TULP4: variants seen among roughly 807,000 people sequenced by gnomAD.
TULP4 encodes tubby-related protein 4.
TULP4 carries 16 observed loss-of-function variants against 129.0 expected under a neutral mutation model. The ratio of observed to expected loss-of-function variants is 0.12; its 90% CI spans 0.08 to 0.19. TULP4 has a LOEUF of 0.19. Among genes scored for constraint, TULP4 ranks in the 10% least tolerant of loss-of-function variants. The pLI is 1.00. For synonymous variants in TULP4, 998 were observed against 854.0 expected, an observed-to-expected ratio of 1.17 and a Z score of -2.94; for missense variants, 1,842 against 2,059.1, an observed-to-expected ratio of 0.89 and a Z score of 2.04.
chr6:158,259,767 C>T (rs9459829), intron 1 of TULP4, among the ~76,000 whole-genome samples: 26,232 of 152,130 alleles, frequency 0.17, 2,692 homozygotes, highest in Middle Eastern at 0.24. Context: ...TTGGGGATTC[C>T]ACCACCTTGT....
At chr6:158,454,348 G>A (rs1779244279) in intron 5 of TULP4, among the ~76,000 whole-genome samples, 1 of 152,096 alleles carries the variant, frequency 6.6e-6, no homozygotes, top group Non-Finnish European at 1.5e-5. Flanking sequence ...TATAATCCAT[G>A]CTTAACTTTT....
At chr6:158,482,168 C>T (rs556671522) in intron 8 of TULP4, among the ~76,000 whole-genome samples, 7 of 152,186 alleles carry the variant, frequency 4.6e-5, no homozygotes, top group Non-Finnish European at 1.0e-4. Flanking sequence ...CTCGCCACTT[C>T]CTCGCTCCAG....
chr6:158,367,769 G>A (rs1015026196), intron 1 of TULP4, among the ~76,000 whole-genome samples: 3 of 151,918 alleles, frequency 2.0e-5, no homozygotes, highest in East Asian at 1.9e-4. Flanking sequence ...AGGCCGGTGC[G>A]GTGGCTCACA....
At chr6:158,274,634 G>A (rs556059940) in intron 1 of TULP4, among the ~76,000 whole-genome samples, 2 of 152,222 alleles carry the variant, frequency 1.3e-5, no homozygotes, top group African/African-American at 2.4e-5. Flanking sequence ...AAAATCAGCC[G>A]GGTGTGGTGG....
At position 158,429,822 on chromosome 6, in the gene TULP4, A is replaced by G. The variant is rs1208818072; in HGVS notation, c.468A>G (p.Gly156=). ...TTGTCCTGGTTGGGTCTGTCAGTGG[A>G]CAAAGACACTGGTCATCCGAAATCA... ...DGFVLVGSVS[G]QRHWSSEINL... Residue 156 remains glycine (G), a synonymous_variant, in exon 3 of 14, where the codon GGA becomes GGG. Transcript: ENST00000367097. 2 of 1,614,056 alleles carry G rather than the reference A, an allele frequency of 1.2e-6. No homozygotes were observed. Among genetic ancestry groups the G allele is most frequent in the Non-Finnish European group, 1.7e-6 (2 of 1,180,040 alleles).
rs199820718 is a variant in TULP4 at position 158,479,930 on chromosome 6, C to A, written c.1206C>A (p.Pro402=). 5 of 1,611,018 alleles carry A rather than the reference C, an allele frequency of 3.1e-6. No individual in the cohort carries two copies. Among genetic ancestry groups the A allele is most frequent in the Non-Finnish European group, 4.2e-6 (5 of 1,179,970 alleles). The change falls in exon 7 of 14, where the codon CCC becomes CCA. Residue 402 remains proline, a synonymous_variant. Transcript: ENST00000367097. ...DKDVSKLTLP[P]RLCSYLSTAF... ...ACGTCAGCAAGCTGACTCTGCCCCC[C>A]CGCCTCTGCTCCTACCTCTCCACTG...
chr6:158,436,632 C>T (rs1315979022), intron 3 of TULP4, among the ~76,000 whole-genome samples: 3 of 152,086 alleles, frequency 2.0e-5, no homozygotes, highest in Admixed American at 6.5e-5. Context: ...TTTAGTTTTC[C>T]GGGAGTAGAG....
At chr6:158,285,290 G>GCTGGA (rs1409831524) in intron 1 of TULP4, among the ~76,000 whole-genome samples, 54 of 152,090 alleles carry the variant, frequency 3.6e-4, no homozygotes, top group African/African-American at 1.2e-3. Flanking sequence ...ATAATATGTT[G>GCTGGA]TTTATTAACA....
intron 3 of TULP4, among the ~76,000 whole-genome samples, chr6:158,440,691 A>G (rs1478242984): frequency 1.3e-5 from 2 of 152,214 alleles, no homozygotes; most frequent in African/African-American, 4.8e-5. Context: ...ATTGCTCAGG[A>G]AAGAAGTTGG....
chr6:158,453,839 G>A (rs1465680024), intron 5 of TULP4, among the ~76,000 whole-genome samples: 1 of 150,198 alleles, frequency 6.7e-6, no homozygotes, highest in Non-Finnish European at 1.5e-5. Flanking sequence ...TATAGTCCCA[G>A]CTACTTGGGA....
intron 1 of TULP4, among the ~76,000 whole-genome samples, chr6:158,343,554 CCT>C (rs1225171681): frequency 1.3e-5 from 2 of 151,988 alleles, no homozygotes; most frequent in Non-Finnish European, 2.9e-5. Context: ...GAGCTCGCAC[CCT>C]CTTTCCCTCA....
chr6:158,426,488 GTTGT>G (rs146875438), intron 2 of TULP4, among the ~76,000 whole-genome samples: 64,186 of 151,554 alleles, frequency 0.42, 14,028 homozygotes, highest in South Asian at 0.55. Context: ...TCCTTTCCCC[GTTGT>G]TTGTTTTTGT....
At chr6:158,466,367 G>A (rs1233943998) in intron 6 of TULP4, among the ~76,000 whole-genome samples, 1 of 152,058 alleles carries the variant, frequency 6.6e-6, no homozygotes, top group African/African-American at 2.4e-5. Flanking sequence ...TGCCAACATT[G>A]TCATTTTTCT....
In TULP4 at chr6:158,312,664, TTTTAA is replaced by T. The variant is rs1779385231; in HGVS notation, c.-1348_-1344del. 1 of 152,012 alleles carries T rather than the reference TTTTAA, an allele frequency of 6.6e-6. No homozygotes were observed. Among genetic ancestry groups the T allele is most frequent in the East Asian group, 1.9e-4 (1 of 5,204 alleles). 9.4% of individuals were successfully genotyped at this position (152,012 alleles called of 1,614,324 possible). A position where few individuals can be genotyped will look rare whatever the true frequency, so the allele number is the denominator to read the frequency against. On this transcript the variant is annotated 5_prime_UTR_variant, in exon 1 of 14. Coordinates refer to ENST00000367097, the MANE Select transcript of TULP4 (RefSeq NM_020245.5). ...ATCTTAATTAACTGTATTTGAGAAA[TTTTAA>T]TTTATTATTCCCCCCCTTTTTTCCT...
intron 9 of TULP4, among the ~76,000 whole-genome samples, chr6:158,493,000 A>T (rs1780251052): frequency 6.6e-6 from 1 of 152,240 alleles, no homozygotes; most frequent in Non-Finnish European, 1.5e-5. Flanking sequence ...TGCAGAAGAA[A>T]TTATAAGAAT....
intron 8 of TULP4, among the ~76,000 whole-genome samples, chr6:158,486,823 T>A (rs1045026381): frequency 3.3e-5 from 5 of 152,122 alleles, no homozygotes; most frequent in African/African-American, 1.2e-4. Flanking sequence ...TATATCTAAT[T>A]CAGGAAGCTG....
At chr6:158,477,796 C>T (rs1779855847) in intron 6 of TULP4, among the ~76,000 whole-genome samples, 1 of 152,178 alleles carries the variant, frequency 6.6e-6, no homozygotes, top group South Asian at 2.1e-4. Flanking sequence ...ATCATAAAGA[C>T]CCATGCATGC....
Position 158,236,795 on chromosome 6 carries a change from C to CTTTTCTTTTTTTTTTTTTTTT in TULP4, n.68+4496_68+4497insCTTTTTTTTTTTTTTTTTTTT, listed in dbSNP as rs1554272522. 4.1e-4 allele frequency among the ~76,000 whole-genome samples: 26 copies of CTTTTCTTTTTTTTTTTTTTTT among 63,302 alleles called. 3 individuals carry two copies. The highest frequency in any genetic ancestry group is 9.3e-4 in the African/African-American group (13 of 13,918). The allele number at this position is 63,302 out of a possible 152,430, so 41.5% of individuals were successfully genotyped here. A position where few individuals can be genotyped will look rare whatever the true frequency, so the allele number is the denominator to read the frequency against. Reference sequence around the variant, plus strand: ...AGATGGGTAAATGCCCAATTCTTTTCTTTTTTTTTTTTTTTTTTTTTTTTT... The same window carrying CTTTTCTTTTTTTTTTTTTTTT: ...AGATGGGTAAATGCCCAATTCTTTTCTTTTCTTTTTTTTTTTTTTTTTTTTTTTTTTTTTTTTTTTTTTTTT... On this transcript the variant is annotated intron_variant and non_coding_transcript_variant, in intron 1 of 1. Coordinates refer to the TULP4 transcript ENST00000620026.
At chr6:158,242,030 T>G (rs1358533516) in intron 1 of TULP4, 1 of 799,708 alleles carries the variant, frequency 1.3e-6, no homozygotes, top group Non-Finnish European at 2.3e-6. Flanking sequence ...TTATTTGCAA[T>G]TACATCTAGT....
Sources: gnomAD v4.1 joint callset for allele counts (sites outside exome capture counted in the v4.1 genomes callset) on GRCh38, gnomAD v4.1.1 for gene constraint, MANE v1.5 for transcripts, NCBI Gene and HGNC (gene_info 2026-07-23, HGNC 2026-07-21) for gene names.